CSMD1: variants seen among roughly 807,000 people sequenced by gnomAD.
CSMD1 encodes CUB and Sushi multiple domains 1.
Under a neutral mutation model 417.5 loss-of-function variants are expected in CSMD1, and 213 were observed. The observed-to-expected ratio is 0.51, with a 90% CI of 0.46 to 0.57. CSMD1 has a LOEUF of 0.57. Ranked by LOEUF, CSMD1 falls within the 20% of genes least tolerant of loss-of-function variation. The probability of loss-of-function intolerance (pLI) is 0.00; values close to 1 mark genes in which losing one functional copy is unlikely to be tolerated. For synonymous variants in CSMD1, 2,862 were observed against 1,736.8 expected, an observed-to-expected ratio of 1.65 and a Z score of -16.11; for missense variants, 6,923 against 4,529.7, an observed-to-expected ratio of 1.53 and a Z score of -15.17.
At chr8:3,445,697 G>T (rs1330190786) in intron 12 of CSMD1, among the ~76,000 whole-genome samples, 4 of 152,112 alleles carry the variant, frequency 2.6e-5, no homozygotes, top group African/African-American at 9.7e-5. Flanking sequence ...AGGAAACAAG[G>T]CCATGTAGCA....
intron 7 of CSMD1, among the ~76,000 whole-genome samples, chr8:3,635,299 C>T (rs1057408923): frequency 6.6e-6 from 1 of 151,948 alleles, no homozygotes; most frequent in Admixed American, 6.6e-5. Flanking sequence ...GATGGCAAAA[C>T]CCCATCTCTA....
At chr8:3,567,258 G>C (rs967474084) in intron 10 of CSMD1, among the ~76,000 whole-genome samples, 2 of 151,954 alleles carry the variant, frequency 1.3e-5, no homozygotes, top group Admixed American at 6.6e-5. Flanking sequence ...ATGGTCACTA[G>C]GAACTACTGG....
intron 12 of CSMD1, among the ~76,000 whole-genome samples, chr8:3,465,542 A>T (rs924055670): frequency 6.6e-6 from 1 of 152,092 alleles, no homozygotes; most frequent in Non-Finnish European, 1.5e-5. Context: ...TCCTCCAGGG[A>T]GATTTTCTCA....
At chr8:3,549,853 G>C (rs984045065) in intron 10 of CSMD1, among the ~76,000 whole-genome samples, 4 of 152,174 alleles carry the variant, frequency 2.6e-5, no homozygotes, top group Non-Finnish European at 4.4e-5. Context: ...ACAAGCAACA[G>C]ACAGTGGAGT....
At chr8:3,175,544 C>T (rs1408477156) in intron 37 of CSMD1, among the ~76,000 whole-genome samples, 5 of 142,266 alleles carry the variant, frequency 3.5e-5, no homozygotes, top group African/African-American at 7.8e-5. Flanking sequence ...TTCTTCCCTC[C>T]CTCCCTCTCT....
chr8:4,259,534 A>C (rs1241642229), intron 3 of CSMD1, among the ~76,000 whole-genome samples: 2 of 62,816 alleles, frequency 3.2e-5, no homozygotes, highest in Non-Finnish European at 8.8e-5. Context: ...GTTTTTAAAA[A>C]ATGTCTTTTT....
intron 1 of CSMD1, among the ~76,000 whole-genome samples, chr8:4,936,045 T>G (rs1464728018): frequency 1.3e-5 from 2 of 152,194 alleles, no homozygotes; most frequent in African/African-American, 4.8e-5. Context: ...AGTGAAGACT[T>G]AATCAAAGAA....
chr8:3,244,301 G>C (rs1051235776), intron 26 of CSMD1, among the ~76,000 whole-genome samples: 23 of 152,272 alleles, frequency 1.5e-4, no homozygotes, highest in African/African-American at 5.3e-4. Flanking sequence ...CTGTTCACTG[G>C]AGTCAGGCTG....
intron 10 of CSMD1, among the ~76,000 whole-genome samples, chr8:3,556,435 T>G (rs73505734): frequency 0.028 from 3,114 of 113,150 alleles, 279 homozygotes; most frequent in African/African-American, 0.1. Context: ...AAAGAATTTA[T>G]GAGGGATCCT....
chr8:4,382,790 C>G (rs530764589), intron 3 of CSMD1, among the ~76,000 whole-genome samples: 2 of 152,044 alleles, frequency 1.3e-5, no homozygotes, highest in Admixed American at 1.3e-4. Flanking sequence ...TAATGATGGC[C>G]CCTCAGTGTC....
At chr8:3,504,224 A>T (rs1796728958) in intron 10 of CSMD1, among the ~76,000 whole-genome samples, 1 of 148,366 alleles carries the variant, frequency 6.7e-6, no homozygotes. Context: ...AGGTACAATT[A>T]TTATGTATTA....
chr8:3,175,597 C>T (rs1461107187), intron 37 of CSMD1, among the ~76,000 whole-genome samples: 1 of 150,240 alleles, frequency 6.7e-6, no homozygotes, highest in East Asian at 2.0e-4. Flanking sequence ...GTCCTCCCTC[C>T]CTCCCTCCCT....
chr8:3,970,191 G>T (rs1459017015), intron 5 of CSMD1, among the ~76,000 whole-genome samples: 5 of 142,180 alleles, frequency 3.5e-5, no homozygotes, highest in Middle Eastern at 3.6e-3. Context: ...CTTGAACAAG[G>T]GACTTTCTTT....
chr8:3,599,104 T>C (rs572192734), intron 8 of CSMD1, among the ~76,000 whole-genome samples: 7 of 151,228 alleles, frequency 4.6e-5, no homozygotes, highest in Admixed American at 4.0e-4. Context: ...AAAGCTGACA[T>C]TGGATTGCAA....
chr8:4,182,972 G>C (rs1254967532), intron 3 of CSMD1, among the ~76,000 whole-genome samples: 2 of 152,048 alleles, frequency 1.3e-5, no homozygotes, highest in African/African-American at 4.8e-5. Flanking sequence ...AAAGAGGCAA[G>C]GAAAGGAAGG....
Position 4,994,665 on chromosome 8 carries a change from G to T in CSMD1, c.-249C>A. Reference sequence around the variant, plus strand: ...CGGAGACCCGGGCTGGCGGGGCCGGGGCCGGGGACGAGCGCCGGCCGAGCC... The same window carrying T: ...CGGAGACCCGGGCTGGCGGGGCCGGTGCCGGGGACGAGCGCCGGCCGAGCC... On this transcript the variant is annotated 5_prime_UTR_variant, in exon 1 of 70. Transcript: ENST00000635120. 2 of 434,608 alleles carry T rather than the reference G, an allele frequency of 4.6e-6. No homozygotes were observed. Among genetic ancestry groups the T allele is most frequent in the Non-Finnish European group, 8.2e-6 (2 of 244,258 alleles). The allele number at this position is 434,608 out of a possible 1,614,324, so 26.9% of individuals were successfully genotyped here. A position where few individuals can be genotyped will look rare whatever the true frequency, so the allele number is the denominator to read the frequency against.
intron 5 of CSMD1, among the ~76,000 whole-genome samples, chr8:3,900,457 G>C (rs568344333): frequency 4.0e-5 from 6 of 150,692 alleles, no homozygotes; most frequent in African/African-American, 1.2e-4. Flanking sequence ...CTGCATAACA[G>C]TGCAGCTGGG....
rs900221 is a variant in CSMD1, at chr8:3,702,831, T to A, written c.1009+5583A>T. Among the ~76,000 whole-genome samples, 324 of 152,208 alleles carry A rather than the reference T, an allele frequency of 2.1e-3. 1 individual carries two copies. The highest frequency in any genetic ancestry group is 7.7e-3 in the African/African-American group (318 of 41,540). On this transcript the variant is annotated intron_variant, in intron 7 of 69. Transcript: ENST00000635120. ...GTGACAGAACGAGACTCTGTCTCAA[T>A]AACAAACAAATATATACAGTGTCAG...
chr8:4,425,398 T>C (rs74659522), intron 2 of CSMD1, among the ~76,000 whole-genome samples: 1 of 119,340 alleles, frequency 8.4e-6, no homozygotes, highest in East Asian at 2.2e-4. Flanking sequence ...AAAAAAAAAA[T>C]AGAGTCCAAC....
Sources: gnomAD v4.1 joint callset for allele counts (sites outside exome capture counted in the v4.1 genomes callset) on GRCh38, gnomAD v4.1.1 for gene constraint, MANE v1.5 for transcripts, NCBI Gene and HGNC (gene_info 2026-07-23, HGNC 2026-07-21) for gene names.